The following ERP44 variants were observed in gnomAD, a reference collection of about 807,000 sequenced individuals.
ERP44 encodes endoplasmic reticulum protein 44.
ERP44 carries 25 observed loss-of-function variants against 53.4 expected under a neutral mutation model. That is an observed-to-expected ratio of 0.47 (90% CI 0.34 to 0.65). ERP44 has a LOEUF of 0.65. ERP44 is among the 30% of genes least tolerant of loss of function. The pLI is 0.01. For missense variants in ERP44, 338 were observed against 493.2 expected (o/e 0.69, Z 2.98); for synonymous variants, 145 against 161.2 (o/e 0.90, Z 0.76).
intron 1 of ERP44, among the ~76,000 whole-genome samples, chr9:100,080,577 T>G (rs1397710397): frequency 1.3e-5 from 2 of 151,930 alleles, no homozygotes; most frequent in Non-Finnish European, 2.9e-5. Context: ...GTACATAATA[T>G]GTATGATGCA....
At position 99,984,942 on chromosome 9, in the gene ERP44, A is replaced by T. The variant is rs766956375; in HGVS notation, c.1119+25T>A. 3.6e-5 allele frequency: 53 copies of T among 1,452,462 alleles called. No individual in the cohort carries two copies. In the Middle Eastern group the frequency reaches 8.7e-4, roughly 24 times the overall value. The allele number at this position is 1,452,462 out of a possible 1,614,324, so 90.0% of individuals were successfully genotyped here. ...TGAAAAAGGGAAAAAAAGAGTTCTC[A>T]TTGAAAAATAAACAGGAGTCCTACC... On this transcript the variant is annotated intron_variant, in intron 11 of 11. Coordinates refer to ENST00000262455, the MANE Select transcript of ERP44 (RefSeq NM_015051.3).
chr9:99,988,004 T>C (rs1052029980), intron 10 of ERP44, among the ~76,000 whole-genome samples: 13 of 152,242 alleles, frequency 8.5e-5, no homozygotes, highest in Admixed American at 5.2e-4. Context: ...TGCCAGGTTA[T>C]ATGGTAGGTA....
At chr9:100,067,951 C>T (rs1306280663) in intron 1 of ERP44, among the ~76,000 whole-genome samples, 21 of 150,542 alleles carry the variant, frequency 1.4e-4, no homozygotes, top group Admixed American at 1.1e-3. Flanking sequence ...GGAGCGTCTC[C>T]GCCCGGCAGC....
At chr9:100,061,041 C>T (rs1469405627) in intron 1 of ERP44, among the ~76,000 whole-genome samples, 1 of 152,176 alleles carries the variant, frequency 6.6e-6, no homozygotes, top group Non-Finnish European at 1.5e-5. Context: ...CTGAATACTT[C>T]AGCACTTATG....
rs568518905 is a variant in ERP44, at chr9:100,034,773, C to A, written c.287-12547G>T. 6.6e-5 allele frequency among the ~76,000 whole-genome samples: 10 copies of A among 152,130 alleles called. No homozygotes were observed. In the East Asian group the frequency reaches 1.9e-3, roughly 29 times the overall value. On this transcript the variant is annotated intron_variant, in intron 4 of 11. Coordinates refer to ENST00000262455, the MANE Select transcript of ERP44 (RefSeq NM_015051.3). ...AAAGAGCCTCAATAGCCAAAGCAAA[C>A]CTAGGCAAAAAGAACAAAGCCAGAG...
At chr9:100,072,933 T>C (rs745710847) in intron 1 of ERP44, among the ~76,000 whole-genome samples, 3 of 152,238 alleles carry the variant, frequency 2.0e-5, no homozygotes, top group Non-Finnish European at 2.9e-5. Context: ...TAGATTTTTA[T>C]AACATGTATT....
intron 1 of ERP44, among the ~76,000 whole-genome samples, chr9:100,086,830 C>T (rs999467377): frequency 6.6e-6 from 1 of 152,084 alleles, no homozygotes; most frequent in Admixed American, 6.5e-5. Context: ...AAGGGAAATA[C>T]ATTGCACACC....
chr9:100,048,317 TATA>T (rs1326769025), intron 4 of ERP44, among the ~76,000 whole-genome samples: 2 of 151,820 alleles, frequency 1.3e-5, no homozygotes, highest in African/African-American at 2.4e-5. Context: ...AAACTTAAAG[TATA>T]ATAATAATAA....
chr9:100,022,473 C>T (rs1004336332), intron 4 of ERP44, among the ~76,000 whole-genome samples: 66 of 152,212 alleles, frequency 4.3e-4, no homozygotes, highest in African/African-American at 1.6e-3. Context: ...ACTGCATAAA[C>T]TCTCCATGCC....
At chr9:100,086,524 TTC>T (rs1750206718) in intron 1 of ERP44, among the ~76,000 whole-genome samples, 1 of 152,248 alleles carries the variant, frequency 6.6e-6, no homozygotes. Context: ...CAACATTTCC[TTC>T]TCTACTATTA....
chr9:100,018,046 C>T (rs1830542269), intron 7 of ERP44, among the ~76,000 whole-genome samples: 1 of 152,194 alleles, frequency 6.6e-6, no homozygotes, highest in African/African-American at 2.4e-5. Flanking sequence ...ACTCTAATGC[C>T]AGCTCTGCTA....
At chr9:99,985,691 G>A (rs111332908) in intron 10 of ERP44, among the ~76,000 whole-genome samples, 42 of 152,208 alleles carry the variant, frequency 2.8e-4, no homozygotes, top group African/African-American at 9.6e-4. Context: ...CCTGAACCAG[G>A]GCATAGCATT....
In ERP44 at chr9:99,989,057, C is replaced by T. The variant is rs188053859; in HGVS notation, c.1017-3988G>A. 3.7e-3 allele frequency among the ~76,000 whole-genome samples: 566 copies of T among 152,340 alleles called. 1 individual carries two copies. The highest frequency in any genetic ancestry group is 6.5e-3 in the Non-Finnish European group (445 of 68,022). ...GAATCTCGAACTGGGTGGAGCCCAC[C>T]GCAGCTCAACAAGGCCTGCTGGCCT... On this transcript the variant is annotated intron_variant, in intron 10 of 11. Coordinates refer to ENST00000262455, the MANE Select transcript of ERP44 (RefSeq NM_015051.3).
In ERP44 at chr9:99,980,204, C is replaced by T. The variant is rs184075701; in HGVS notation, c.*2408G>A. On this transcript the variant is annotated 3_prime_UTR_variant, in exon 12 of 12. Transcript: ENST00000262455. ...TTATTTTGTCTTTACATCTATAACA[C>T]GTTACAGTCATTGTTTACATATCCA... 17 of 396,506 alleles carry T rather than the reference C, an allele frequency of 4.3e-5. No homozygotes were observed. Among genetic ancestry groups the T allele is most frequent in the African/African-American group, 3.3e-4 (16 of 48,708 alleles). 24.6% of individuals were successfully genotyped at this position (396,506 alleles called of 1,614,324 possible).
chr9:100,009,037 C>A (rs958684770), intron 8 of ERP44, among the ~76,000 whole-genome samples: 7 of 152,172 alleles, frequency 4.6e-5, no homozygotes, highest in Non-Finnish European at 7.3e-5. Context: ...GGCAACACAC[C>A]CAGCCCATCA....
At chr9:100,017,290 G>A (rs546661814) in intron 7 of ERP44, among the ~76,000 whole-genome samples, 27 of 152,230 alleles carry the variant, frequency 1.8e-4, no homozygotes, top group Admixed American at 3.3e-4. Flanking sequence ...TTATCATCCC[G>A]TTTTTACTAA....
intron 3 of ERP44, among the ~76,000 whole-genome samples, chr9:100,054,697 T>C (rs1447265748): frequency 6.6e-6 from 1 of 152,144 alleles, no homozygotes; most frequent in East Asian, 1.9e-4. Flanking sequence ...TTACCAAATC[T>C]GAAAAAATCC....
intron 1 of ERP44, among the ~76,000 whole-genome samples, chr9:100,089,450 G>C (rs926083975): frequency 1.3e-5 from 2 of 151,868 alleles, no homozygotes; most frequent in African/African-American, 4.8e-5. Flanking sequence ...GTGTAGTGGC[G>C]AGTGCCTGTA....
At chr9:100,094,297 T>A in intron 1 of ERP44, among the ~76,000 whole-genome samples, 1 of 149,664 alleles carries the variant, frequency 6.7e-6, no homozygotes, top group Non-Finnish European at 1.5e-5. Context: ...CCAAAATAAA[T>A]ACAAATAGCT....
Sources: gnomAD v4.1 joint callset for allele counts (sites outside exome capture counted in the v4.1 genomes callset) on GRCh38, gnomAD v4.1.1 for gene constraint, MANE v1.5 for transcripts, NCBI Gene and HGNC (gene_info 2026-07-23, HGNC 2026-07-21) for gene names.